The following KCNQ2 variants were observed in gnomAD, a reference collection of about 807,000 sequenced individuals.
The protein encoded by KCNQ2 is potassium voltage-gated channel subfamily Q member 2, also known as potassium voltage-gated channel subfamily KQT member 2.
KCNQ2 carries 14 observed loss-of-function variants against 84.8 expected under a neutral mutation model. The ratio of observed to expected loss-of-function variants is 0.17; its 90% CI spans 0.11 to 0.26. KCNQ2 has a LOEUF of 0.26. KCNQ2 is among the 10% of genes least tolerant of loss of function. The probability of loss-of-function intolerance (pLI) is 1.00; values close to 1 mark genes in which losing one functional copy is unlikely to be tolerated. For synonymous variants in KCNQ2, 599 were observed against 554.1 expected (o/e 1.08, Z -1.14); for missense variants, 788 against 1,254.0 (o/e 0.63, Z 5.61).
In KCNQ2 at chr20:63,407,136, AG is replaced by A; in HGVS notation, c.2126del (p.Pro709LeufsTer221). 1 of 1,566,474 alleles carries A rather than the reference AG, an allele frequency of 6.4e-7. No homozygotes were observed. The highest frequency in any genetic ancestry group is 8.6e-7 in the Non-Finnish European group (1 of 1,159,728). ...AGGAGGTGGAGGGCGGACACTGGACAGGGGGCGCGGCCGGGGGCGCCGAGAA... is the reference window on the plus strand; with the variant it reads ...AGGAGGTGGAGGGCGGACACTGGACAGGGGCGCGGCCGGGGGCGCCGAGAA... Reference protein sequence around the residue: ...KNFSAPPAAPPVQCPPSTSWQ... With the variant: ...KNFSAPPAAPXVQCPPSTSWQ... On this transcript the variant is annotated frameshift_variant, in exon 17 of 17. Transcript: ENST00000359125. LOFTEE classifies it high-confidence loss of function. The surrounding 1 kb of genome is among the most constrained non-coding windows in gnomAD (Gnocchi z 7.2).
chr20:63,431,251 C>CG, intron 9 of KCNQ2, 89 bp downstream of exon 9: 1 of 1,495,134 alleles, frequency 6.7e-7, no homozygotes, highest in Non-Finnish European at 9.3e-7. Flanking sequence ...GGGTGGGCCA[C>CG]GGGGCTCCAG....
chr20:63,454,569 C>T (rs1371512948), intron 1 of KCNQ2, among the ~76,000 whole-genome samples: 1 of 152,238 alleles, frequency 6.6e-6, no homozygotes. Flanking sequence ...ACGCACTGGC[C>T]AGCCATCCGG....
chr20:63,472,420 C>T lies in KCNQ2; in HGVS notation c.44G>A (p.Ser15Asn). 1 of 1,538,632 alleles carries T rather than the reference C, an allele frequency of 6.5e-7. No homozygotes were observed. The highest frequency in any genetic ancestry group is 8.7e-7 in the Non-Finnish European group (1 of 1,147,468). Residue 15 changes from serine (S) to asparagine (N), a missense_variant, in exon 1 of 17, where the codon AGC (serine) becomes AAC (asparagine). Ser to Asn is a conservative substitution (Grantham distance 46, BLOSUM62 1). Transcript: ENST00000359125. ...SRNGGVYPGP[S>N]GEKKLKVGFV... ...GCCCACCTTCAGCTTCTTCTCCCCGCTCGGGCCGGGGTATACGCCGCCGTT... is the reference window on the plus strand; with the variant it reads ...GCCCACCTTCAGCTTCTTCTCCCCGTTCGGGCCGGGGTATACGCCGCCGTT...
chr20:63,453,190 G>A (rs927183188), intron 1 of KCNQ2, among the ~76,000 whole-genome samples: 64 of 152,238 alleles, frequency 4.2e-4, no homozygotes, highest in East Asian at 3.9e-4. Context: ...CCAGTCCTCC[G>A]CCCGCCGCCA....
rs2079784332 is a variant in KCNQ2, at chr20:63,400,354, G to A, written c.*6290C>T. On this transcript the variant is annotated 3_prime_UTR_variant, in exon 17 of 17. Transcript: ENST00000359125. This position sits in a 1 kb window ranked among gnomAD's most constrained non-coding sequence, Gnocchi z 8.7. ...CGAAGTCCCCCGCAAACCCGCACTG[G>A]CGCATTCTTACGGCTCTGGCATCAA... is the stretch of plus-strand genomic sequence containing the variant. 2.8e-6 allele frequency: 1 copy of A among 352,346 alleles called. No homozygotes were observed. Among genetic ancestry groups the A allele is most frequent in the South Asian group, 1.5e-4 (1 of 6,522 alleles). 21.8% of individuals were successfully genotyped at this position (352,346 alleles called of 1,614,324 possible).
rs1433603831 is a variant in KCNQ2 at position 63,400,702 on chromosome 20, CGCGGGCATG to C, written c.*5933_*5941del. On this transcript the variant is annotated 3_prime_UTR_variant, in exon 17 of 17. Transcript: ENST00000359125. This position sits in a 1 kb window ranked among gnomAD's most constrained non-coding sequence, Gnocchi z 8.7. ...GATGGCAGACTGCAATGGCGTGGGGCGCGGGCATGGCGGGCACACGTGGGCCGTGTGGAT... is the reference window on the plus strand; with the variant it reads ...GATGGCAGACTGCAATGGCGTGGGGCGCGGGCACACGTGGGCCGTGTGGAT... 2 of 398,530 alleles carry C rather than the reference CGCGGGCATG, an allele frequency of 5.0e-6. No homozygotes were observed. The highest frequency in any genetic ancestry group is 8.8e-6 in the Non-Finnish European group (2 of 226,072). The allele number at this position is 398,530 out of a possible 1,614,324, so 24.7% of individuals were successfully genotyped here.
intron 10 of KCNQ2, 175 bp from the exon 11 acceptor site, chr20:63,424,381 A>G (rs949158760): frequency 1.4e-6 from 1 of 705,696 alleles, no homozygotes; most frequent in Non-Finnish European, 2.4e-6. Context: ...CCACGGCCCC[A>G]GGAACGGGCA....
chr20:63,428,489 A>T (rs1231146556), intron 9 of KCNQ2, 54 bp from the exon 10 acceptor site: 20 of 1,440,470 alleles, frequency 1.4e-5, no homozygotes, highest in Non-Finnish European at 1.8e-5. Context: ...GAGTCCTGGG[A>T]CACCTCCCTC....
intron 15 of KCNQ2, chr20:63,410,982 A>G (rs561000710): frequency 2.2e-6 from 1 of 456,168 alleles, no homozygotes. Flanking sequence ...GGAGGCAAGA[A>G]GGCCTTGGAA....
At chr20:63,416,562 C>T (rs918546524) in intron 12 of KCNQ2, among the ~76,000 whole-genome samples, 1 of 152,202 alleles carries the variant, frequency 6.6e-6, no homozygotes, top group East Asian at 1.9e-4. Context: ...CTGGGCAGGG[C>T]CCAGAGCACT....
In KCNQ2 at chr20:63,400,810, C is replaced by G. The variant is rs2079794163; in HGVS notation, c.*5834G>C. On this transcript the variant is annotated 3_prime_UTR_variant, in exon 17 of 17. Coordinates refer to ENST00000359125, the MANE Select transcript of KCNQ2 (RefSeq NM_172107.4). This position sits in a 1 kb window ranked among gnomAD's most constrained non-coding sequence, Gnocchi z 8.7. ...CAGTGCGAGACCCCTCCGTGAGACC[C>G]CTCCTGCCCTGCGCGTGTCTCTGGA... 1 of 398,334 alleles carries G rather than the reference C, an allele frequency of 2.5e-6. No homozygotes were observed. The highest frequency in any genetic ancestry group is 4.4e-5 in the Admixed American group (1 of 22,720). 24.7% of individuals were successfully genotyped at this position (398,334 alleles called of 1,614,324 possible).
intron 12 of KCNQ2, among the ~76,000 whole-genome samples, chr20:63,417,412 C>T (rs1601583450): frequency 1.3e-5 from 2 of 152,238 alleles, no homozygotes; most frequent in South Asian, 2.1e-4. Context: ...CGTTTCCACC[C>T]GAGGCAGGTC....
chr20:63,407,873 C>T lies in KCNQ2; in HGVS notation c.1888-498G>A, dbSNP rs755395583. 40 of 203,358 alleles carry T rather than the reference C, an allele frequency of 2.0e-4. No homozygotes were observed. The highest frequency in any genetic ancestry group is 1.5e-4 in the Non-Finnish European group (15 of 98,594). The allele number at this position is 203,358 out of a possible 1,614,324, so 12.6% of individuals were successfully genotyped here. On this transcript the variant is annotated intron_variant, in intron 16 of 16. Coordinates refer to ENST00000359125, the MANE Select transcript of KCNQ2 (RefSeq NM_172107.4). The surrounding 1 kb of genome is among the most constrained non-coding windows in gnomAD (Gnocchi z 7.2). ...CCTAGGGGCAAAGCCTCCAGCTCCA[C>T]GGTTGGGGCGTGTGTTCAGAGCCAG... is the stretch of plus-strand genomic sequence containing the variant.
At chr20:63,424,350 G>T in intron 10 of KCNQ2, 144 bp from the exon 11 acceptor site, 1 of 953,376 alleles carries the variant, frequency 1.0e-6, no homozygotes, top group East Asian at 2.6e-5. Context: ...GGGTGGAGCT[G>T]GCCCACCCAC....
Position 63,408,186 on chromosome 20 carries a change from G to A in KCNQ2, c.1887+227C>T, listed in dbSNP as rs1182265627. ...CCACCCAGGACTCCTGGGGACTTTG[G>A]CCCTTGGGTACTGTCAGGAGGGAAG... On this transcript the variant is annotated intron_variant, in intron 16 of 16. Coordinates refer to ENST00000359125, the MANE Select transcript of KCNQ2 (RefSeq NM_172107.4). The surrounding 1 kb of genome is among the most constrained non-coding windows in gnomAD (Gnocchi z 5.0). 4 of 566,080 alleles carry A rather than the reference G, an allele frequency of 7.1e-6. No individual in the cohort carries two copies. In the African/African-American group the frequency reaches 7.6e-5, roughly 11 times the overall value. 35.1% of individuals were successfully genotyped at this position (566,080 alleles called of 1,614,324 possible).
At position 63,408,139 on chromosome 20, in the gene KCNQ2, G is replaced by A. The variant is rs1234201163; in HGVS notation, c.1887+274C>T. 1 of 488,246 alleles carries A rather than the reference G, an allele frequency of 2.0e-6. No individual in the cohort carries two copies. The highest frequency in any genetic ancestry group is 3.8e-5 in the East Asian group (1 of 26,280). The allele number at this position is 488,246 out of a possible 1,614,324, so 30.2% of individuals were successfully genotyped here. A position where few individuals can be genotyped will look rare whatever the true frequency, so the allele number is the denominator to read the frequency against. On this transcript the variant is annotated intron_variant, in intron 16 of 16. Coordinates refer to ENST00000359125, the MANE Select transcript of KCNQ2 (RefSeq NM_172107.4). The surrounding 1 kb of genome is among the most constrained non-coding windows in gnomAD (Gnocchi z 5.0). ...GGCACGTTCCACAAGGAACCCCTGA[G>A]GGATCCACCTCTCAGCAGCCCCCAC... is the stretch of plus-strand genomic sequence containing the variant.
chr20:63,414,080 G>A lies in KCNQ2; in HGVS notation c.1631+8C>T, dbSNP rs1406473226. ...TCCCCCAGGCTCCCGGCTGGGCAGGGGCCTCACCACACGGCTCTGATGCTG... is the reference window on the plus strand; with the variant it reads ...TCCCCCAGGCTCCCGGCTGGGCAGGAGCCTCACCACACGGCTCTGATGCTG... On this transcript the variant is annotated splice_region_variant and intron_variant, in intron 14 of 16. Transcript: ENST00000359125. This position sits in a 1 kb window ranked among gnomAD's most constrained non-coding sequence, Gnocchi z 6.6. 2 of 1,606,786 alleles carry A rather than the reference G, an allele frequency of 1.2e-6. No homozygotes were observed. The highest frequency in any genetic ancestry group is 2.7e-5 in the African/African-American group (2 of 74,680).
At chr20:63,428,338 C>T (rs1361979888) in intron 10 of KCNQ2, 29 bp downstream of exon 10, 3 of 1,537,140 alleles carry the variant, frequency 2.0e-6, no homozygotes, top group Non-Finnish European at 2.6e-6. Flanking sequence ...GAGACGCCCA[C>T]CCGCCCCACC....
chr20:63,470,159 A>G (rs2082179313), intron 1 of KCNQ2, among the ~76,000 whole-genome samples: 1 of 151,972 alleles, frequency 6.6e-6, no homozygotes, highest in Non-Finnish European at 1.5e-5. Flanking sequence ...CTTAGAAAAA[A>G]TCCCCCTCCC....
Sources: gnomAD v4.1 joint callset for allele counts (sites outside exome capture counted in the v4.1 genomes callset) on GRCh38, gnomAD v4.1.1 for gene constraint, Gnocchi (gnomAD v3.1) non-coding constraint, MANE v1.5 for transcripts, NCBI Gene and HGNC (gene_info 2026-07-23, HGNC 2026-07-21) for gene names.